LRRC63: variants seen among roughly 807,000 people sequenced by gnomAD.
LRRC63 encodes the protein leucine rich repeat containing 63, also known as leucine-rich repeat-containing protein 63.
Under a neutral mutation model 49.5 loss-of-function variants are expected in LRRC63, and 40 were observed. The ratio of observed to expected loss-of-function variants is 0.81; its 90% CI spans 0.63 to 1.05. The LOEUF (loss-of-function observed/expected upper bound fraction) is 1.05. Ranked by LOEUF, LRRC63 falls within the 50% of genes least tolerant of loss-of-function variation. LRRC63 has a pLI of 0.00. For synonymous variants in LRRC63, 191 were observed against 221.1 expected (o/e 0.86, Z 1.21); for missense variants, 636 against 663.1 (o/e 0.96, Z 0.45).
rs570292772 is a variant in LRRC63 at position 46,246,734 on chromosome 13, G to A, written c.1089+109G>A. On this transcript the variant is annotated intron_variant, in intron 6 of 9. Transcript: ENST00000595396. The stretch of plus-strand genomic sequence containing the variant: ...GAAGTTACTATAAAGTACTGTAAAT[G>A]TATTTTGGATTGCATCTTTTGAATG... The A allele has an allele frequency of 1.0e-4, 49 of 475,272 alleles. 1 individual carries two copies. In the South Asian group the frequency reaches 3.1e-3, roughly 30 times the overall value. 29.4% of individuals were successfully genotyped at this position (475,272 alleles called of 1,614,324 possible).
chr13:46,246,437 A>T, intron 5 of LRRC63, 90 bp from the exon 6 acceptor site: 1 of 544,318 alleles, frequency 1.8e-6, no homozygotes, highest in Non-Finnish European at 3.0e-6. Context: ...ATTCTCATTC[A>T]AATTATGTGC....
intron 7 of LRRC63, among the ~76,000 whole-genome samples, chr13:46,260,749 A>T (rs944211237): frequency 1.3e-5 from 2 of 152,170 alleles, no homozygotes; most frequent in African/African-American, 2.4e-5. Flanking sequence ...ATATGTGATA[A>T]CTGGTTAATT....
rs1433942927 is a variant in LRRC63 at position 46,213,059 on chromosome 13, C to T, written c.25C>T (p.Arg9Ter). ...AATGCAAAAGCCCCCACTGCTTCTT[C>T]GAAGACCCTTACCTCCAAAATTCAC... is the stretch of plus-strand genomic sequence containing the variant. The change falls in exon 2 of 10, where the codon CGA becomes TGA. Residue 9 changes from arginine to a stop codon, truncating the protein, a stop_gained. Coordinates refer to ENST00000595396, the Ensembl canonical transcript of LRRC63. LOFTEE classifies it high-confidence loss of function. 5.2e-6 allele frequency: 8 copies of T among 1,549,540 alleles called. No homozygotes were observed. In the Admixed American group the frequency reaches 5.9e-5, roughly 11 times the overall value.
At chr13:46,238,731 AT>A (rs1195898953) in intron 5 of LRRC63, among the ~76,000 whole-genome samples, 1 of 152,186 alleles carries the variant, frequency 6.6e-6, no homozygotes, top group Non-Finnish European at 1.5e-5. Context: ...ACAATTCAAG[AT>A]GATATTTGGG....
At chr13:46,266,247 G>C (rs1341696434) in intron 8 of LRRC63, among the ~76,000 whole-genome samples, 1 of 152,186 alleles carries the variant, frequency 6.6e-6, no homozygotes, top group Non-Finnish European at 1.5e-5. Flanking sequence ...AGGGTTATTA[G>C]AAGTTATTGA....
intron 8 of LRRC63, among the ~76,000 whole-genome samples, chr13:46,263,913 G>T (rs2138577237): frequency 1.3e-5 from 2 of 152,026 alleles, no homozygotes; most frequent in South Asian, 2.1e-4. Flanking sequence ...TTGATTCATT[G>T]GCTGTTTAGC....
chr13:46,263,894 G>A lies in LRRC63; in HGVS notation c.1310+1902G>A, dbSNP rs531828836. On this transcript the variant is annotated intron_variant, in intron 8 of 9. Coordinates refer to ENST00000595396, the Ensembl canonical transcript of LRRC63. ...CTTTCCTCTCACCTGGAACCTGGCC[G>A]TGTCTCTTTTGATTCATTGGCTGTT... is the stretch of plus-strand genomic sequence containing the variant. 6.6e-5 allele frequency among the ~76,000 whole-genome samples: 10 copies of A among 152,266 alleles called. No homozygotes were observed. The South Asian group carries it at 1.7e-3, about 25-fold the overall frequency.
At chr13:46,260,079 A>G (rs775938161) in intron 7 of LRRC63, among the ~76,000 whole-genome samples, 33 of 152,230 alleles carry the variant, frequency 2.2e-4, no homozygotes, top group Non-Finnish European at 4.4e-4. Context: ...AAAATCATAT[A>G]TAGATGACAT....
chr13:46,270,714 C>T, intron 9 of LRRC63: 3 of 603,214 alleles, frequency 5.0e-6, no homozygotes, highest in Non-Finnish European at 9.2e-6. Flanking sequence ...ATCTGTGAAG[C>T]ATACTTCACA....
At chr13:46,250,326 C>T (rs1329856455) in intron 6 of LRRC63, 29 bp from the exon 7 acceptor site, 2 of 1,448,930 alleles carry the variant, frequency 1.4e-6, no homozygotes, top group African/African-American at 1.4e-5. Flanking sequence ...TTATTCCGCT[C>T]ATGTTTGTTT....
intron 4 of LRRC63, among the ~76,000 whole-genome samples, chr13:46,230,330 A>G (rs1566480292): frequency 6.6e-6 from 1 of 152,234 alleles, no homozygotes; most frequent in Non-Finnish European, 1.5e-5. Context: ...GAGGGACAGA[A>G]CTAATAGGAT....
At chr13:46,265,230 T>C (rs1325366052) in intron 8 of LRRC63, among the ~76,000 whole-genome samples, 1 of 151,968 alleles carries the variant, frequency 6.6e-6, no homozygotes, top group Non-Finnish European at 1.5e-5. Flanking sequence ...GCTAAACAGG[T>C]GTGTCCTCCG....
intron 7 of LRRC63, among the ~76,000 whole-genome samples, chr13:46,251,568 G>A (rs1367570800): frequency 6.6e-6 from 1 of 151,732 alleles, no homozygotes; most frequent in Non-Finnish European, 1.5e-5. Context: ...CAAGATCTGG[G>A]TGTTGGGTAT....
intron 9 of LRRC63, among the ~76,000 whole-genome samples, chr13:46,274,632 G>A (rs932455968): frequency 1.3e-5 from 2 of 152,194 alleles, no homozygotes; most frequent in Non-Finnish European, 2.9e-5. Context: ...TGAGAATGGG[G>A]TCAGAAGACT....
intron 5 of LRRC63, among the ~76,000 whole-genome samples, chr13:46,240,026 C>T (rs2047010153): frequency 1.3e-5 from 2 of 152,014 alleles, no homozygotes; most frequent in Non-Finnish European, 2.9e-5. Flanking sequence ...CCACCTATGA[C>T]AGACCCACAG....
At chr13:46,276,852 TTA>T (rs552310700) in exon 10 of LRRC63, 5,641 of 119,304 alleles carry the variant, frequency 0.047, 242 homozygotes, top group Middle Eastern at 0.11. Flanking sequence ...ATATATATAT[TTA>T]TATATATATA....
intron 2 of LRRC63, among the ~76,000 whole-genome samples, chr13:46,219,849 C>T (rs1017720056): frequency 6.6e-6 from 1 of 152,172 alleles, no homozygotes; most frequent in Non-Finnish European, 1.5e-5. Context: ...TTCCTTCCAT[C>T]AGTCTGGCCC....
chr13:46,265,585 C>T lies in LRRC63; in HGVS notation c.1311-1148C>T, dbSNP rs139824062. 7.8e-3 allele frequency among the ~76,000 whole-genome samples: 1,192 copies of T among 152,278 alleles called. 7 individuals carry two copies. The highest frequency in any genetic ancestry group is 0.013 in the Non-Finnish European group (856 of 68,016). Reference sequence around the variant, plus strand: ...CTCTTTTATAAGGGCACTAATCTCACGCATGAGGGCTCCTGCCCTGATCTA... The same window carrying T: ...CTCTTTTATAAGGGCACTAATCTCATGCATGAGGGCTCCTGCCCTGATCTA... On this transcript the variant is annotated intron_variant, in intron 8 of 9. Coordinates refer to ENST00000595396, the Ensembl canonical transcript of LRRC63.
intron 7 of LRRC63, among the ~76,000 whole-genome samples, chr13:46,252,682 A>T (rs2047414032): frequency 6.6e-6 from 1 of 152,052 alleles, no homozygotes; most frequent in South Asian, 2.1e-4. Flanking sequence ...CTGAGTGTGA[A>T]TTAGGTGGAT....
Sources: allele counts gnomAD v4.1 joint callset (sites outside exome capture counted in the v4.1 genomes callset), GRCh38; gene constraint gnomAD v4.1.1; transcripts MANE v1.5; gene names NCBI Gene and HGNC (gene_info 2026-07-23, HGNC 2026-07-21).